The following MUC4 variants were observed in gnomAD, a reference collection of about 807,000 sequenced individuals.
MUC4 encodes the protein mucin-4.
MUC4 carries 202 observed loss-of-function variants against 257.9 expected under a neutral mutation model. The ratio of observed to expected loss-of-function variants is 0.78; its 90% confidence interval spans 0.70 to 0.88. MUC4 has a LOEUF of 0.88. MUC4 is among the 40% of genes least tolerant of loss of function. The pLI, the probability that MUC4 is intolerant of heterozygous loss-of-function variation, is 0.00. For synonymous variants in MUC4, 2,351 were observed against 2,757.1 expected, an observed-to-expected ratio of 0.85 and a Z score of 4.62; for missense variants, 5,976 against 6,513.7, an observed-to-expected ratio of 0.92 and a Z score of 2.84.
At position 195,794,824 on chromosome 3, in the gene MUC4, G is replaced by C. The variant is rs1285369614; in HGVS notation, c.83-3327C>G. On this transcript the variant is annotated intron_variant, in intron 1 of 24. Coordinates refer to ENST00000463781, the MANE Select transcript of MUC4 (RefSeq NM_018406.7). ...TTAGACTCTCAAGTGAGTGATAATG[G>C]TTATGAACCAGCTCTAATTGTTAAA... Among the ~76,000 whole-genome samples, 7 of 152,274 alleles carry C rather than the reference G, an allele frequency of 4.6e-5. No homozygotes were observed. In the East Asian group the frequency reaches 1.3e-3, roughly 29 times the overall value.
In MUC4 at chr3:195,778,827, T is replaced by C. The variant is rs747285719; in HGVS notation, c.12753A>G (p.Thr4251=). The change falls in exon 2 of 25, where the codon ACA becomes ACG. Residue 4251 remains threonine, a synonymous_variant. Transcript: ENST00000463781. ...TCTTCAGAGGGGAGTCCGAGGATAC[T>C]GTGGAAGCTGAGGTAGCACTGCTGA... ...LAVSSATSAS[T]VSSDSPLKME... is the part of the protein sequence containing the mutation. 2.5e-6 allele frequency: 4 copies of C among 1,612,294 alleles called. No individual in the cohort carries two copies. Among genetic ancestry groups the C allele is most frequent in the Non-Finnish European group, 3.4e-6 (4 of 1,179,498 alleles).
intron 4 of MUC4, 100 bp from the exon 5 acceptor site, chr3:195,771,916 A>G (rs1445799923): frequency 7.6e-7 from 1 of 1,317,350 alleles, no homozygotes; most frequent in Non-Finnish European, 1.1e-6. Context: ...CCAAGGGTAG[A>G]GCTTTAGAGA....
chr3:195,781,750 T>G lies in MUC4; in HGVS notation c.9830A>C (p.Asp3277Ala). The G allele has an allele frequency of 2.1e-6, 3 of 1,419,014 alleles. No individual in the cohort carries two copies. The highest frequency in any genetic ancestry group is 1.8e-5 in the African/African-American group (1 of 56,916). The allele number at this position is 1,419,014 out of a possible 1,614,324, so 87.9% of individuals were successfully genotyped here. A position where few individuals can be genotyped will look rare whatever the true frequency, so the allele number is the denominator to read the frequency against. ...GTCGGTGACAGGAAGAGAGGTGGTGTCACCTGTGTATGCTGAGGAAGTGTC... is the reference window on the plus strand; with the variant it reads ...GTCGGTGACAGGAAGAGAGGTGGTGGCACCTGTGTATGCTGAGGAAGTGTC... ...VTDTSSAYTG[D>A]TTSLPVTDTS... The change falls in exon 2 of 25, where the codon GAC becomes GCC. Residue 3277 changes from aspartate (D) to alanine (A), a missense_variant. Around this residue, in one of 44 missense-constraint regions of MUC4, gnomAD observed 51 missense variants for 66.9 expected, o/e 0.76. Coordinates refer to ENST00000463781, the MANE Select transcript of MUC4 (RefSeq NM_018406.7).
Position 195,805,505 on chromosome 3 carries a change from G to A in MUC4, c.82+6231C>T, listed in dbSNP as rs543467068. Among the ~76,000 whole-genome samples the A allele has an allele frequency of 1.3e-4, 20 of 152,250 alleles. 1 individual carries two copies. The highest frequency in any genetic ancestry group is 1.2e-3 in the East Asian group (6 of 5,162). On this transcript the variant is annotated intron_variant, in intron 1 of 24. Coordinates refer to ENST00000463781, the MANE Select transcript of MUC4 (RefSeq NM_018406.7). ...GGCAGGCACATCCTCCTAGCCTAGC[G>A]CTGTCCTCAGGAGCCTGGCTGCCTC...
At chr3:195,775,917 CACCCATACCTTCCACA>C (rs1724527377) in intron 3 of MUC4, among the ~76,000 whole-genome samples, 4 of 110,460 alleles carry the variant, frequency 3.6e-5, no homozygotes, top group African/African-American at 4.5e-5. Context: ...ATACCTTCCA[CACCCATACCTTCCACA>C]GTCATACCTT....
At chr3:195,756,854 G>T (rs1051510521) in intron 18 of MUC4, among the ~76,000 whole-genome samples, 1 of 152,026 alleles carries the variant, frequency 6.6e-6, no homozygotes, top group Non-Finnish European at 1.5e-5. Flanking sequence ...GTAGAGATGG[G>T]GTTTCACCAT....
In MUC4 at chr3:195,768,473, G is replaced by A. The variant is rs138762721; in HGVS notation, c.13529+549C>T. ...CCATATAAGCTTTTGGGTGCCCCCT[G>A]GATAAGTGGGTAATTCTCAGGAAGT... On this transcript the variant is annotated intron_variant, in intron 7 of 24. Coordinates refer to ENST00000463781, the MANE Select transcript of MUC4 (RefSeq NM_018406.7). Among the ~76,000 whole-genome samples, 69 of 152,244 alleles carry A rather than the reference G, an allele frequency of 4.5e-4. 1 individual carries two copies. The highest frequency in any genetic ancestry group is 1.5e-3 in the African/African-American group (64 of 41,528).
At position 195,754,348 on chromosome 3, in the gene MUC4, C is replaced by A; in HGVS notation, c.15193G>T (p.Gly5065Cys). 1 of 1,610,564 alleles carries A rather than the reference C, an allele frequency of 6.2e-7. No individual in the cohort carries two copies. The highest frequency in any genetic ancestry group is 8.5e-7 in the Non-Finnish European group (1 of 1,178,898). Residue 5065 changes from glycine (G) to cysteine (C), a missense_variant, in exon 19 of 25, where the codon GGC (glycine) becomes TGC (cysteine). Physicochemically the swap from Gly to Cys is radical, Grantham distance 159 (BLOSUM62 -3). Coordinates refer to ENST00000463781, the MANE Select transcript of MUC4 (RefSeq NM_018406.7). ...CCCTCGCAGTAGCGGCCGAAGGTGCCCCCGTCACACTTGCAGCCAGCCACC... is the reference window on the plus strand; with the variant it reads ...CCCTCGCAGTAGCGGCCGAAGGTGCACCCGTCACACTTGCAGCCAGCCACC... ...LEVAGCKCDG[G>C]TFGRYCEGSE... is the part of the protein sequence containing the mutation.
At chr3:195,766,630 A>G (rs1235308950) in intron 8 of MUC4, 33 bp downstream of exon 8, 1 of 1,598,126 alleles carries the variant, frequency 6.3e-7, no homozygotes, top group South Asian at 1.1e-5. Context: ...AGGGCTTGAG[A>G]CCAGCTCAGG....
In MUC4 at chr3:195,752,568, C is replaced by T. The variant is rs189343610; in HGVS notation, c.15509-122G>A. 401 of 799,712 alleles carry T rather than the reference C, an allele frequency of 5.0e-4. 2 individuals carry two copies. The highest frequency in any genetic ancestry group is 5.7e-4 in the Non-Finnish European group (267 of 469,566). The allele number at this position is 799,712 out of a possible 1,614,324, so 49.5% of individuals were successfully genotyped here. ...AGTGACAGAAGGTCACTGAAGAAAC[C>T]GGGAGAAGTGGCCCTCACCCTACAT... On this transcript the variant is annotated intron_variant, in intron 20 of 24. Coordinates refer to ENST00000463781, the MANE Select transcript of MUC4 (RefSeq NM_018406.7).
intron 3 of MUC4, among the ~76,000 whole-genome samples, chr3:195,774,999 T>A (rs1724025588): frequency 6.6e-6 from 1 of 151,978 alleles, no homozygotes; most frequent in Admixed American, 6.5e-5. Context: ...AAGACGGCCT[T>A]TCTCCAGATA....
intron 14 of MUC4, 112 bp from the exon 15 acceptor site, chr3:195,761,697 G>T: frequency 1.2e-6 from 1 of 809,898 alleles, no homozygotes. Context: ...CTCTGCTCTT[G>T]CACCTGCTGT....
Position 195,762,959 on chromosome 3 carries a change from G to T in MUC4, c.14254-14C>A, listed in dbSNP as rs1719542871. Reference sequence around the variant, plus strand: ...GAGCCATTGGACCTGGAAGGAGATGGGAGGGGGCCTGAGCCCGACCCGCAG... The same window carrying T: ...GAGCCATTGGACCTGGAAGGAGATGTGAGGGGGCCTGAGCCCGACCCGCAG... On this transcript the variant is annotated splice_polypyrimidine_tract_variant and intron_variant, in intron 12 of 24. Coordinates refer to ENST00000463781, the MANE Select transcript of MUC4 (RefSeq NM_018406.7). The T allele has an allele frequency of 2.6e-6, 4 of 1,541,754 alleles. No homozygotes were observed. The highest frequency in any genetic ancestry group is 3.5e-6 in the Non-Finnish European group (4 of 1,140,884).
At position 195,788,890 on chromosome 3, in the gene MUC4, G is replaced by T. The variant is rs567447469; in HGVS notation, c.2690C>A (p.Ser897Tyr). 75 of 1,613,638 alleles carry T rather than the reference G, an allele frequency of 4.6e-5. 1 individual carries two copies. The Admixed American group carries it at 1.2e-3, about 26-fold the overall frequency. ...GGAAATGGCGGCTGTCTCCTGAGGA[G>T]AGGCACTGGGAGAAGTTGGGCTTGA... Reference protein sequence around the residue: ...GQSSPTSPSASPQETAAISRM... With the variant: ...GQSSPTSPSAYPQETAAISRM... The change falls in exon 2 of 25, where the codon TCT (serine) becomes TAT (tyrosine). Residue 897 changes from serine to tyrosine, a missense_variant. Around this residue, in one of 44 missense-constraint regions of MUC4, gnomAD observed 1,583 missense variants for 1,257.4 expected, o/e 1.26. Transcript: ENST00000463781.
At chr3:195,747,934 C>G (rs1472886426) in intron 24 of MUC4, among the ~76,000 whole-genome samples, 2 of 152,276 alleles carry the variant, frequency 1.3e-5, no homozygotes, top group African/African-American at 2.4e-5. Flanking sequence ...GCAGGGATGC[C>G]GGCCACAGGT....
In MUC4 at chr3:195,783,765, C is replaced by A. The variant is rs368501323; in HGVS notation, c.7815G>T (p.Gln2605His). 3.9e-5 allele frequency: 20 copies of A among 508,562 alleles called. No individual in the cohort carries two copies. The highest frequency in any genetic ancestry group is 3.2e-4 in the African/African-American group (4 of 12,380). The allele number at this position is 508,562 out of a possible 1,614,324, so 31.5% of individuals were successfully genotyped here. The change falls in exon 2 of 25, where the codon CAG (glutamine) becomes CAT (histidine). Residue 2605 changes from glutamine (Q) to histidine (H), a missense_variant. Physicochemically the swap from Gln to His is conservative, Grantham distance 24. Around this residue, in one of 44 missense-constraint regions of MUC4, gnomAD observed 11 missense variants for 41.8 expected, o/e 0.26. Coordinates refer to ENST00000463781, the MANE Select transcript of MUC4 (RefSeq NM_018406.7). ...GGCTGGTGACAGGAAGAGGGGTGGCCTGACCTGTGGATGCTGAGTAAGTGT... is the reference window on the plus strand; with the variant it reads ...GGCTGGTGACAGGAAGAGGGGTGGCATGACCTGTGGATGCTGAGTAAGTGT... ...VTDTYSASTG[Q>H]ATPLPVTSLS...
At position 195,784,700 on chromosome 3, in the gene MUC4, G is replaced by A. The variant is rs1327906618; in HGVS notation, c.6880C>T (p.Pro2294Ser). ...GCGTGACCTGTGGATGCTGAGGAAG[G>A]GCTAGTGACAGGAAGAGGAGTGGTG... ...GDTTPLPVTS[P>S]SSASTGHATP... Residue 2294 changes from proline to serine, a missense_variant, in exon 2 of 25, where the codon CCT becomes TCT. Pro to Ser is a moderately conservative substitution (Grantham distance 74). This residue lies in a region of MUC4 where 62 missense variants were observed against 74.0 expected (regional missense o/e 0.84). Coordinates refer to ENST00000463781, the MANE Select transcript of MUC4 (RefSeq NM_018406.7). 1 of 1,422,496 alleles carries A rather than the reference G, an allele frequency of 7.0e-7. No homozygotes were observed. Among genetic ancestry groups the A allele is most frequent in the Non-Finnish European group, 9.2e-7 (1 of 1,086,962 alleles). The allele number at this position is 1,422,496 out of a possible 1,614,324, so 88.1% of individuals were successfully genotyped here.
intron 1 of MUC4, among the ~76,000 whole-genome samples, chr3:195,808,512 C>T (rs2149083239): frequency 1.3e-5 from 2 of 152,278 alleles, no homozygotes; most frequent in South Asian, 4.1e-4. Context: ...GCCCTTTATG[C>T]CTTTTCTACT....
At position 195,757,760 on chromosome 3, in the gene MUC4, C is replaced by T. The variant is rs769834888; in HGVS notation, c.14987-432G>A. ...CTGATTTCTCACCCACCCCCCACTT[C>T]CTGGACCTTTCCCAGACACCCCCTT... On this transcript the variant is annotated intron_variant, in intron 17 of 24. Coordinates refer to ENST00000463781, the MANE Select transcript of MUC4 (RefSeq NM_018406.7). This position sits in a 1 kb window ranked among gnomAD's most constrained non-coding sequence, Gnocchi z 4.8. 6.6e-6 allele frequency among the ~76,000 whole-genome samples: 1 copy of T among 152,160 alleles called. No homozygotes were observed. Among genetic ancestry groups the T allele is most frequent in the Non-Finnish European group, 1.5e-5 (1 of 68,028 alleles).
Sources: gnomAD v4.1 joint callset for allele counts (sites outside exome capture counted in the v4.1 genomes callset) on GRCh38, gnomAD v4.1.1 for gene constraint, gnomAD v4.1.1 regional missense constraint, Gnocchi (gnomAD v3.1) non-coding constraint, MANE v1.5 for transcripts, NCBI Gene and HGNC (gene_info 2026-07-23, HGNC 2026-07-21) for gene names.